Variants in TMC1 observed in about 807,000 individuals in gnomAD.
TMC1 encodes transmembrane channel like 1, also known as transmembrane channel-like protein 1.
Under a neutral mutation model 105.8 loss-of-function variants are expected in TMC1, and 84 were observed. The ratio of observed to expected loss-of-function variants is 0.79; its 90% CI spans 0.67 to 0.95. The LOEUF (loss-of-function observed/expected upper bound fraction) is 0.95. Among genes scored for constraint, TMC1 ranks in the 40% least tolerant of loss-of-function variants. The pLI, the probability that TMC1 is intolerant of heterozygous loss-of-function variation, is 0.00. For missense variants in TMC1, 817 were observed against 914.1 expected (o/e 0.89, Z 1.37); for synonymous variants, 315 against 311.5 (o/e 1.01, Z -0.12).
chr9:72,672,205 C>T (rs951880063), intron 5 of TMC1, among the ~76,000 whole-genome samples: 13 of 152,184 alleles, frequency 8.5e-5, no homozygotes, highest in Admixed American at 7.9e-4. Context: ...GTTCATATAT[C>T]AGTTATGATG....
At chr9:72,526,839 A>C (rs1423473448) in intron 1 of TMC1, among the ~76,000 whole-genome samples, 2 of 152,196 alleles carry the variant, frequency 1.3e-5, no homozygotes, top group African/African-American at 4.8e-5. Flanking sequence ...CTCAACACTC[A>C]AGTCCACCAA....
At chr9:72,755,649 G>T (rs1378669843) in intron 12 of TMC1, among the ~76,000 whole-genome samples, 1 of 152,092 alleles carries the variant, frequency 6.6e-6, no homozygotes. Context: ...GTAGTGACTA[G>T]ACTAGAAATG....
chr9:72,616,055 C>T (rs1169759614), intron 2 of TMC1, among the ~76,000 whole-genome samples: 4 of 152,088 alleles, frequency 2.6e-5, no homozygotes, highest in African/African-American at 4.8e-5. Context: ...CTATTGACCC[C>T]ATTTGTTGAT....
At chr9:72,620,606 C>T (rs1270444246) in intron 3 of TMC1, among the ~76,000 whole-genome samples, 3 of 152,002 alleles carry the variant, frequency 2.0e-5, no homozygotes, top group Admixed American at 6.6e-5. Flanking sequence ...TGCAAAATTT[C>T]GTACTTATCT....
chr9:72,536,931 G>A (rs1301079123), intron 1 of TMC1, among the ~76,000 whole-genome samples: 1 of 152,170 alleles, frequency 6.6e-6, no homozygotes, highest in Non-Finnish European at 1.5e-5. Flanking sequence ...CTGACCCTAT[G>A]GCAGACTTCT....
At chr9:72,759,037 G>C (rs1456371745) in intron 12 of TMC1, among the ~76,000 whole-genome samples, 3 of 152,014 alleles carry the variant, frequency 2.0e-5, no homozygotes, top group African/African-American at 7.2e-5. Flanking sequence ...AAGGCAAAAG[G>C]GGACATTGAG....
chr9:72,641,373 G>A (rs1259767888), intron 4 of TMC1, among the ~76,000 whole-genome samples: 2 of 152,308 alleles, frequency 1.3e-5, no homozygotes, highest in Non-Finnish European at 2.9e-5. Context: ...GATAGCAGGC[G>A]TGAGCCACTA....
At chr9:72,753,046 TA>T (rs1263720459) in intron 11 of TMC1, among the ~76,000 whole-genome samples, 2 of 152,174 alleles carry the variant, frequency 1.3e-5, no homozygotes, top group African/African-American at 2.4e-5. Context: ...TCTTGGAATA[TA>T]TTTTTTTATT....
intron 1 of TMC1, among the ~76,000 whole-genome samples, chr9:72,557,766 C>T (rs1003006989): frequency 1.3e-5 from 2 of 152,132 alleles, no homozygotes; most frequent in Non-Finnish European, 2.9e-5. Context: ...TTCACTGAGT[C>T]ATTTGCCTGT....
chr9:72,688,612 C>T (rs1588032773), intron 5 of TMC1, 97 bp from the exon 6 acceptor site: 1 of 1,209,526 alleles, frequency 8.3e-7, no homozygotes, highest in African/African-American at 1.5e-5. Flanking sequence ...ATTAACTGCA[C>T]AAAAACATTA....
intron 12 of TMC1, 81 bp downstream of exon 12, chr9:72,754,965 C>T (rs1347704698): frequency 2.0e-6 from 2 of 981,318 alleles, no homozygotes; most frequent in Non-Finnish European, 3.2e-6. Context: ...ACGGCCTCCT[C>T]TCCTGGGTCA....
rs141012220 is a variant in TMC1 at position 72,810,384 on chromosome 9, C to A, written c.1695+4874C>A. 3.3e-5 allele frequency among the ~76,000 whole-genome samples: 5 copies of A among 152,214 alleles called. No individual in the cohort carries two copies. The East Asian group carries it at 9.7e-4, about 29-fold the overall frequency. On this transcript the variant is annotated intron_variant, in intron 18 of 23. Transcript: ENST00000297784. The stretch of plus-strand genomic sequence containing the variant: ...TGCATGTATACACACACACAAAGCA[C>A]ATGATTTTTTTCTTCTGAATTCCAA...
chr9:72,831,294 T>C (rs1382026286), intron 23 of TMC1, among the ~76,000 whole-genome samples: 3 of 152,320 alleles, frequency 2.0e-5, no homozygotes, highest in East Asian at 3.9e-4. Context: ...ACTTTAAAAC[T>C]CTTTACATTA....
Position 72,743,856 on chromosome 9 carries a change from T to TA in TMC1, c.535+1338dup, listed in dbSNP as rs372393672. Among the ~76,000 whole-genome samples the TA allele has an allele frequency of 2.4e-3, 362 of 152,234 alleles. 2 individuals are homozygous for TA. The highest frequency in any genetic ancestry group is 8.0e-3 in the African/African-American group (332 of 41,524). On this transcript the variant is annotated intron_variant, in intron 10 of 23. Transcript: ENST00000297784. ...TAAATTGTTTTTTAAAATAATAATC[T>TA]AAAAAAAGGGATAACATTTGAAACA... is the stretch of plus-strand genomic sequence containing the variant.
chr9:72,801,431 G>A (rs897805534), intron 17 of TMC1, among the ~76,000 whole-genome samples: 8 of 152,174 alleles, frequency 5.3e-5, no homozygotes, highest in Non-Finnish European at 7.3e-5. Flanking sequence ...CTCTGAGAAA[G>A]TCAATGACAG....
At chr9:72,557,679 G>T (rs894322874) in intron 1 of TMC1, among the ~76,000 whole-genome samples, 1 of 152,198 alleles carries the variant, frequency 6.6e-6, no homozygotes, top group African/African-American at 2.4e-5. Context: ...GTCAGGGACA[G>T]CAGTGGGAGT....
intron 8 of TMC1, among the ~76,000 whole-genome samples, chr9:72,729,226 T>G (rs1420781963): frequency 6.6e-6 from 1 of 152,146 alleles, no homozygotes; most frequent in Non-Finnish European, 1.5e-5. Flanking sequence ...TTAAGAAATT[T>G]TTGTACATAG....
chr9:72,524,984 T>C (rs1823381428), intron 1 of TMC1, among the ~76,000 whole-genome samples: 1 of 152,168 alleles, frequency 6.6e-6, no homozygotes, highest in Non-Finnish European at 1.5e-5. Flanking sequence ...AGCCCAAGCC[T>C]GGATTGTGGA....
intron 18 of TMC1, among the ~76,000 whole-genome samples, chr9:72,811,031 A>G (rs1828694751): frequency 6.6e-6 from 1 of 152,176 alleles, no homozygotes; most frequent in Admixed American, 6.5e-5. Flanking sequence ...GATCTATAGA[A>G]TGCTAAAGTT....
Sources: allele counts gnomAD v4.1 joint callset (sites outside exome capture counted in the v4.1 genomes callset), GRCh38; gene constraint gnomAD v4.1.1; transcripts MANE v1.5; gene names NCBI Gene and HGNC (gene_info 2026-07-23, HGNC 2026-07-21).